The following MIPOL1 variants were observed in gnomAD, a reference collection of about 807,000 sequenced individuals.
MIPOL1 encodes the protein mirror-image polydactyly gene 1 protein.
A neutral mutation model predicts 60.9 loss-of-function variants in MIPOL1; 57 were observed. That is an observed-to-expected ratio of 0.94 (90% CI 0.76 to 1.17). The LOEUF is 1.17. Among genes scored for constraint, MIPOL1 ranks in the 50% most tolerant of loss-of-function variants. MIPOL1 has a pLI of 0.00. For synonymous variants in MIPOL1, 179 were observed against 168.8 expected, an observed-to-expected ratio of 1.06 and a Z score of -0.47; for missense variants, 551 against 511.6, an observed-to-expected ratio of 1.08 and a Z score of -0.74.
Position 37,316,910 on chromosome 14 carries a change from G to A in MIPOL1, c.828+8391G>A, listed in dbSNP as rs1395034990. On this transcript the variant is annotated intron_variant, in intron 9 of 12. Transcript: ENST00000684589. Reference sequence around the variant, plus strand: ...GGAGAATCGCTTGAACCCAGGAGGCGGAGGTTGCAGTGAGCCGAGATTGTG... The same window carrying A: ...GGAGAATCGCTTGAACCCAGGAGGCAGAGGTTGCAGTGAGCCGAGATTGTG... Among the ~76,000 whole-genome samples, 7 of 152,050 alleles carry A rather than the reference G, an allele frequency of 4.6e-5. No homozygotes were observed. The East Asian group carries it at 5.8e-4, about 13-fold the overall frequency.
chr14:37,420,739 A>T (rs2093857530), intron 10 of MIPOL1, among the ~76,000 whole-genome samples: 1 of 152,134 alleles, frequency 6.6e-6, no homozygotes, highest in Admixed American at 6.6e-5. Flanking sequence ...TAGAAATGAT[A>T]TCATCAGGAC....
chr14:37,230,761 A>G (rs1193847505), intron 1 of MIPOL1, among the ~76,000 whole-genome samples: 2 of 152,208 alleles, frequency 1.3e-5, no homozygotes, highest in African/African-American at 4.8e-5. Context: ...AAGCTTTGCA[A>G]AGTGAGTCTA....
At chr14:37,524,821 G>T (rs2095437311) in intron 12 of MIPOL1, among the ~76,000 whole-genome samples, 1 of 151,868 alleles carries the variant, frequency 6.6e-6, no homozygotes, top group Non-Finnish European at 1.5e-5. Flanking sequence ...ACCTGCCTCA[G>T]CCTCCCAAAG....
At chr14:37,347,776 A>T (rs1170960177) in intron 9 of MIPOL1, among the ~76,000 whole-genome samples, 1 of 152,254 alleles carries the variant, frequency 6.6e-6, no homozygotes, top group Admixed American at 6.5e-5. Flanking sequence ...CTAAAATGGG[A>T]TAATATCTTC....
intron 9 of MIPOL1, among the ~76,000 whole-genome samples, chr14:37,325,395 A>T (rs1213522657): frequency 6.6e-6 from 1 of 152,076 alleles, no homozygotes. Context: ...TTTTAAATTC[A>T]CTTTATTTCT....
chr14:37,505,837 A>G (rs1161250020), intron 12 of MIPOL1: 1 of 152,208 alleles, frequency 6.6e-6, no homozygotes, highest in Non-Finnish European at 1.5e-5. Flanking sequence ...ATATGACATG[A>G]TTGTATATTT....
chr14:37,501,264 G>A (rs967309697), intron 12 of MIPOL1, among the ~76,000 whole-genome samples: 14 of 152,118 alleles, frequency 9.2e-5, no homozygotes, highest in Non-Finnish European at 1.0e-4. Context: ...CACAATGTAC[G>A]TTAATATTCT....
intron 9 of MIPOL1, among the ~76,000 whole-genome samples, chr14:37,347,698 A>G (rs1377966521): frequency 6.6e-6 from 1 of 152,208 alleles, no homozygotes; most frequent in Non-Finnish European, 1.5e-5. Flanking sequence ...GAGAAAAAAC[A>G]TATCAACCTA....
chr14:37,503,789 C>G (rs2095248378), intron 12 of MIPOL1: 1 of 152,052 alleles, frequency 6.6e-6, no homozygotes, highest in Non-Finnish European at 1.5e-5. Context: ...GCTAAATGCC[C>G]CAATTAAAAG....
intron 11 of MIPOL1, among the ~76,000 whole-genome samples, chr14:37,494,426 T>C (rs944630597): frequency 6.6e-6 from 1 of 152,188 alleles, no homozygotes; most frequent in Non-Finnish European, 1.5e-5. Flanking sequence ...TCTTACTGGA[T>C]AAGTAAGACT....
In MIPOL1 at chr14:37,529,558, C is replaced by T. The variant is rs553764312; in HGVS notation, c.1263-17347C>T. On this transcript the variant is annotated intron_variant, in intron 12 of 12. Coordinates refer to ENST00000684589, the MANE Select transcript of MIPOL1 (RefSeq NM_001388067.1). ...TATATATAATGCTAGTAATATATTGCCATAATTTTCTTTGTTCATTTATTA... is the reference window on the plus strand; with the variant it reads ...TATATATAATGCTAGTAATATATTGTCATAATTTTCTTTGTTCATTTATTA... 5.9e-5 allele frequency among the ~76,000 whole-genome samples: 9 copies of T among 152,122 alleles called. No homozygotes were observed. In the South Asian group the frequency reaches 1.9e-3, roughly 32 times the overall value.
chr14:37,299,481 C>T (rs938051762), intron 7 of MIPOL1, among the ~76,000 whole-genome samples: 1 of 151,368 alleles, frequency 6.6e-6, no homozygotes, highest in Non-Finnish European at 1.5e-5. Context: ...TCTACAACAT[C>T]CTACTTTCTT....
chr14:37,361,169 T>C (rs1449714850), intron 9 of MIPOL1, among the ~76,000 whole-genome samples: 1 of 152,234 alleles, frequency 6.6e-6, no homozygotes, highest in African/African-American at 2.4e-5. Context: ...TTGATTGCAC[T>C]GTGGTCTGAG....
At chr14:37,200,664 G>GTTTT (rs559596328) in intron 1 of MIPOL1, among the ~76,000 whole-genome samples, 16 of 111,202 alleles carry the variant, frequency 1.4e-4, no homozygotes, top group African/African-American at 5.1e-4. Context: ...TTCCCAGTTA[G>GTTTT]TTTTTTTTTT....
At chr14:37,491,743 G>T (rs2181181) in intron 11 of MIPOL1, among the ~76,000 whole-genome samples, 2 of 151,958 alleles carry the variant, frequency 1.3e-5, no homozygotes, top group Admixed American at 1.3e-4. Flanking sequence ...AGTATTAATT[G>T]ACTTACTTTA....
At chr14:37,268,604 G>T in intron 4 of MIPOL1, 54 bp from the exon 5 acceptor site, 2 of 1,389,362 alleles carry the variant, frequency 1.4e-6, no homozygotes, top group Non-Finnish European at 2.0e-6. Context: ...CATACAAAAT[G>T]TCAAAAAATT....
chr14:37,296,328 A>G (rs865918081), intron 7 of MIPOL1, among the ~76,000 whole-genome samples: 3 of 152,320 alleles, frequency 2.0e-5, no homozygotes, highest in Non-Finnish European at 2.9e-5. Flanking sequence ...AATTTATAGC[A>G]CTAAATGCCC....
chr14:37,204,953 A>T (rs1433407393), intron 1 of MIPOL1, among the ~76,000 whole-genome samples: 3 of 152,170 alleles, frequency 2.0e-5, no homozygotes, highest in Non-Finnish European at 4.4e-5. Flanking sequence ...TGGACAATAA[A>T]ATCTAGGCTG....
intron 3 of MIPOL1, among the ~76,000 whole-genome samples, chr14:37,249,920 G>A (rs1019579338): frequency 1.3e-5 from 2 of 152,198 alleles, no homozygotes; most frequent in East Asian, 1.9e-4. Context: ...GAGACCAAAC[G>A]ATCTTTAAGG....
Sources: gnomAD v4.1 joint callset for allele counts (sites outside exome capture counted in the v4.1 genomes callset) on GRCh38, gnomAD v4.1.1 for gene constraint, MANE v1.5 for transcripts, NCBI Gene and HGNC (gene_info 2026-07-23, HGNC 2026-07-21) for gene names.